The following USH1C variants were observed in gnomAD, a reference collection of about 807,000 sequenced individuals.
The protein encoded by USH1C is USH1 protein network component harmonin.
A neutral mutation model predicts 119.3 loss-of-function variants in USH1C; 90 were observed. The ratio of observed to expected loss-of-function variants is 0.75; its 90% CI spans 0.64 to 0.90. The LOEUF is 0.90. Ranked by LOEUF, USH1C falls within the 40% of genes least tolerant of loss-of-function variation. The probability of loss-of-function intolerance (pLI) is 0.00; values close to 1 mark genes in which losing one functional copy is unlikely to be tolerated. For missense variants in USH1C, 1,165 were observed against 1,167.7 expected (o/e 1.00, Z 0.03); for synonymous variants, 465 against 443.3 (o/e 1.05, Z -0.62).
chr11:17,498,258 T>A lies in USH1C; in HGVS notation c.2394A>T (p.Lys798Asn). ...CGTTGATTGCCATGATCTCGTCCCCTTTCACAATGCCACCTGCAGGCAGAT... is the reference window on the plus strand; with the variant it reads ...CGTTGATTGCCATGATCTCGTCCCCATTCACAATGCCACCTGCAGGCAGAT... ...GAAERHGGIVKGDEIMAINGK... is the reference protein window; with the variant it reads ...GAAERHGGIVNGDEIMAINGK... The change falls in exon 24 of 27, where the codon AAA becomes AAT. Residue 798 changes from lysine to asparagine, a missense_variant. Coordinates refer to ENST00000005226, the MANE Select transcript of USH1C (RefSeq NM_153676.4). 6.2e-7 allele frequency: 1 copy of A among 1,614,148 alleles called. No individual in the cohort carries two copies. The highest frequency in any genetic ancestry group is 8.5e-7 in the Non-Finnish European group (1 of 1,179,996).
At chr11:17,537,887 CAG>C (rs1369970459) in intron 1 of USH1C, among the ~76,000 whole-genome samples, 2 of 152,214 alleles carry the variant, frequency 1.3e-5, no homozygotes, top group Non-Finnish European at 2.9e-5. Flanking sequence ...GATGAGGAAA[CAG>C]AGGCTCAGAG....
chr11:17,498,189 G>C lies in USH1C; in HGVS notation c.2463C>G (p.Ala821=). The C allele has an allele frequency of 6.2e-7, 1 of 1,614,142 alleles. No individual in the cohort carries two copies. The highest frequency in any genetic ancestry group is 2.2e-5 in the East Asian group (1 of 44,874). ...TDYTLAEAEA[A]LQKAWNQGGD... ...CGCCCTGATTCCAGGCCTTCTGCAG[G>C]GCAGCCTCAGCCTCAGCCAGGGTGT... is the stretch of plus-strand genomic sequence containing the variant. The change falls in exon 24 of 27, where the codon GCC becomes GCG. Residue 821 remains alanine, a synonymous_variant. Transcript: ENST00000005226.
At position 17,533,851 on chromosome 11, in the gene USH1C, C is replaced by T. The variant is rs139282628; in HGVS notation, c.37-529G>A. ...TAACATCAGTGCCAGGGGACCTTCACTCTGTCTTGTCCTGACCTTAGCTGG... is the reference window on the plus strand; with the variant it reads ...TAACATCAGTGCCAGGGGACCTTCATTCTGTCTTGTCCTGACCTTAGCTGG... On this transcript the variant is annotated intron_variant, in intron 1 of 26. Coordinates refer to ENST00000005226, the MANE Select transcript of USH1C (RefSeq NM_153676.4). The T allele has an allele frequency of 2.6e-3, 1,147 of 438,432 alleles. 16 individuals are homozygous for T. The highest frequency in any genetic ancestry group is 0.021 in the African/African-American group (1,052 of 50,034). 27.2% of individuals were successfully genotyped at this position (438,432 alleles called of 1,614,324 possible). A position where few individuals can be genotyped will look rare whatever the true frequency, so the allele number is the denominator to read the frequency against.
intron 18 of USH1C, among the ~76,000 whole-genome samples, chr11:17,507,388 G>A (rs1849693835): frequency 6.6e-6 from 1 of 152,204 alleles, no homozygotes; most frequent in African/African-American, 2.4e-5. Flanking sequence ...GGAACTAACA[G>A]TGGGAACTTG....
At chr11:17,508,260 C>T (rs1007743783) in intron 18 of USH1C, among the ~76,000 whole-genome samples, 1 of 152,194 alleles carries the variant, frequency 6.6e-6, no homozygotes, top group East Asian at 1.9e-4. Context: ...GGCTCACGAC[C>T]CCAACCAGAG....
rs1404131260 is a variant in USH1C, at chr11:17,524,440, G to T, written c.759+11C>A. 1 of 1,566,918 alleles carries T rather than the reference G, an allele frequency of 6.4e-7. No individual in the cohort carries two copies. On this transcript the variant is annotated intron_variant, in intron 9 of 26. Coordinates refer to ENST00000005226, the MANE Select transcript of USH1C (RefSeq NM_153676.4). ...GTGGGCCCCCACTGGGGCCGGCCCA[G>T]CGTCACTCACCTCCAATCCCACCTC...
rs397517881 is a variant in USH1C, at chr11:17,527,044, C to T, written c.497-4G>A. On this transcript the variant is annotated splice_polypyrimidine_tract_variant and splice_region_variant and intron_variant, in intron 5 of 26. Coordinates refer to ENST00000005226, the MANE Select transcript of USH1C (RefSeq NM_153676.4). ...TTCACGGGGATCAGGCCGATGTCTG[C>T]GGGAGAAAGGCACAGGGGTTAGGAC... 57 of 1,554,778 alleles carry T rather than the reference C, an allele frequency of 3.7e-5. No homozygotes were observed. Among genetic ancestry groups the T allele is most frequent in the Non-Finnish European group, 4.8e-5 (55 of 1,148,578 alleles).
At chr11:17,525,098 G>T (rs79017292) in intron 8 of USH1C, among the ~76,000 whole-genome samples, 3,846 of 152,230 alleles carry the variant, frequency 0.025, 170 homozygotes, top group African/African-American at 0.087. Flanking sequence ...TGTACTGTTA[G>T]TATTCCTTCC....
chr11:17,497,001 G>A (rs1849273549), intron 24 of USH1C, 188 bp from the exon 25 acceptor site: 11 of 598,060 alleles, frequency 1.8e-5, no homozygotes, highest in African/African-American at 3.7e-5. Flanking sequence ...GAGGCTTCGG[G>A]ACCATAGAGG....
At position 17,531,537 on chromosome 11, in the gene USH1C, A is replaced by T. The variant is rs531538376; in HGVS notation, c.110T>A (p.Met37Lys). ...YDVLRMYHQT[M>K]DVAVLVGDLK... ...GTCTCCCACGAGCACGGCCACGTCCATGGTCCTGTGGAGATGCCGGGAATG... is the reference window on the plus strand; with the variant it reads ...GTCTCCCACGAGCACGGCCACGTCCTTGGTCCTGTGGAGATGCCGGGAATG... The change falls in exon 3 of 27, where the codon ATG becomes AAG. Residue 37 changes from methionine (M) to lysine (K), a missense_variant. By Grantham distance (95) the Met-to-Lys change is moderately conservative (BLOSUM62 -1). Coordinates refer to ENST00000005226, the MANE Select transcript of USH1C (RefSeq NM_153676.4). This position sits in a 1 kb window ranked among gnomAD's most constrained non-coding sequence, Gnocchi z 4.2. 2 of 1,613,226 alleles carry T rather than the reference A, an allele frequency of 1.2e-6. No homozygotes were observed. Among genetic ancestry groups the T allele is most frequent in the Non-Finnish European group, 8.5e-7 (1 of 1,180,006 alleles).
rs1397106961 is a variant in USH1C at position 17,531,733 on chromosome 11, C to T, written c.105-191G>A. Among the ~76,000 whole-genome samples the T allele has an allele frequency of 6.6e-6, 1 of 152,134 alleles. No individual in the cohort carries two copies. The highest frequency in any genetic ancestry group is 1.5e-5 in the Non-Finnish European group (1 of 68,022). On this transcript the variant is annotated intron_variant, in intron 2 of 26. Coordinates refer to ENST00000005226, the MANE Select transcript of USH1C (RefSeq NM_153676.4). This position sits in a 1 kb window ranked among gnomAD's most constrained non-coding sequence, Gnocchi z 4.2. ...ACTTTGTTCTCTTATATAAATATCCCCAGGAAACCAGTCTACTAGGGATTG... is the reference window on the plus strand; with the variant it reads ...ACTTTGTTCTCTTATATAAATATCCTCAGGAAACCAGTCTACTAGGGATTG...
chr11:17,510,628 G>C, intron 16 of USH1C, 107 bp from the exon 17 acceptor site: 3 of 859,562 alleles, frequency 3.5e-6, no homozygotes, highest in Non-Finnish European at 5.8e-6. Context: ...AGAGTACTGT[G>C]AGGTGCATCA....
chr11:17,541,002 C>T (rs538904336), intron 1 of USH1C, among the ~76,000 whole-genome samples: 2 of 152,326 alleles, frequency 1.3e-5, no homozygotes, highest in South Asian at 4.1e-4. Context: ...CACTGTCCTA[C>T]TTGCTGTTCC....
rs576183991 is a variant in USH1C, at chr11:17,509,470, A to G, written c.1899T>C (p.His633=). The G allele has an allele frequency of 7.2e-7, 1 of 1,395,326 alleles. No homozygotes were observed. Among genetic ancestry groups the G allele is most frequent in the East Asian group, 4.0e-5 (1 of 25,170 alleles). 86.4% of individuals were successfully genotyped at this position (1,395,326 alleles called of 1,614,324 possible). A position where few individuals can be genotyped will look rare whatever the true frequency, so the allele number is the denominator to read the frequency against. Residue 633 remains histidine, a synonymous_variant, in exon 18 of 27, where the codon CAT becomes CAC. Transcript: ENST00000005226. The stretch of plus-strand genomic sequence containing the variant: ...TGCCTGTGTCCCCAGTGCGGAAGGG[A>G]TGGTTGCTCAGTGCTTCTTCCAGCG... The part of the protein sequence containing the change: ...PSALEEALSN[H]PFRTGDTGNP...
At chr11:17,522,985 A>G in intron 11 of USH1C, 59 bp from the exon 12 acceptor site, 1 of 1,597,774 alleles carries the variant, frequency 6.3e-7, no homozygotes, top group East Asian at 2.3e-5. Context: ...ATCCCCTGAC[A>G]CACCCCTGGG....
At chr11:17,522,680 G>C in intron 12 of USH1C, 104 bp downstream of exon 12, 1 of 1,548,326 alleles carries the variant, frequency 6.5e-7, no homozygotes, top group Non-Finnish European at 8.9e-7. Flanking sequence ...CTCCAGGGAG[G>C]AGGAGGAAGT....
intron 26 of USH1C, 102 bp from the exon 27 acceptor site, chr11:17,494,478 G>T: frequency 1.5e-6 from 2 of 1,365,550 alleles, no homozygotes; most frequent in Non-Finnish European, 1.0e-6. Context: ...CACTCTGGCA[G>T]CACAAGGCCC....
chr11:17,544,386 G>T lies in USH1C; in HGVS notation c.-79C>A. The T allele has an allele frequency of 3.7e-6, 6 of 1,601,622 alleles. No homozygotes were observed. The highest frequency in any genetic ancestry group is 5.1e-6 in the Non-Finnish European group (6 of 1,172,086). ...GCTGCCAGGAGCTGGAAAGAGCCGC[G>T]ACCGCGACCGGGCCAGCCGCCCTCG... On this transcript the variant is annotated 5_prime_UTR_variant, in exon 1 of 27. Coordinates refer to ENST00000005226, the MANE Select transcript of USH1C (RefSeq NM_153676.4).
In USH1C at chr11:17,527,003, A is replaced by T. The variant is rs993568936; in HGVS notation, c.521+13T>A. 1 of 1,564,244 alleles carries T rather than the reference A, an allele frequency of 6.4e-7. No individual in the cohort carries two copies. The highest frequency in any genetic ancestry group is 8.7e-7 in the Non-Finnish European group (1 of 1,153,280). ...ACAGGGAAGAGTTGGCCTGCAGAGG[A>T]GGGGCCTCTCACCTTTTCACGGGGA... On this transcript the variant is annotated intron_variant, in intron 6 of 26. Coordinates refer to ENST00000005226, the MANE Select transcript of USH1C (RefSeq NM_153676.4).
Sources: gnomAD v4.1 joint callset for allele counts (sites outside exome capture counted in the v4.1 genomes callset) on GRCh38, gnomAD v4.1.1 for gene constraint, Gnocchi (gnomAD v3.1) non-coding constraint, MANE v1.5 for transcripts, NCBI Gene and HGNC (gene_info 2026-07-23, HGNC 2026-07-21) for gene names.